Variants in DNAJC1 observed in about 807,000 individuals in gnomAD.
DNAJC1 encodes the protein dnaJ homolog subfamily C member 1.
A neutral mutation model predicts 76.6 loss-of-function variants in DNAJC1; 58 were observed. The observed-to-expected ratio is 0.76, with a 90% CI of 0.61 to 0.94. The LOEUF (loss-of-function observed/expected upper bound fraction) is 0.94, where lower values mean the gene tolerates loss of function less well. Among genes scored for constraint, DNAJC1 ranks in the 40% least tolerant of loss-of-function variants. DNAJC1 has a pLI of 0.00. For synonymous variants in DNAJC1, 258 were observed against 267.9 expected, an observed-to-expected ratio of 0.96 and a Z score of 0.36; for missense variants, 689 against 677.3, an observed-to-expected ratio of 1.02 and a Z score of -0.19.
chr10:21,788,541 C>G (rs912856406), intron 9 of DNAJC1, among the ~76,000 whole-genome samples: 1 of 152,220 alleles, frequency 6.6e-6, no homozygotes, highest in African/African-American at 2.4e-5. Context: ...AGACACCTCC[C>G]TGTTTGTGGA....
intron 1 of DNAJC1, among the ~76,000 whole-genome samples, chr10:21,956,309 T>C (rs1457487576): frequency 2.0e-5 from 3 of 152,186 alleles, no homozygotes; most frequent in African/African-American, 4.8e-5. Context: ...CCTAATCACC[T>C]TTTAAAAGTC....
chr10:21,793,397 T>C (rs1222313208), intron 9 of DNAJC1, among the ~76,000 whole-genome samples: 2 of 152,154 alleles, frequency 1.3e-5, no homozygotes, highest in African/African-American at 4.8e-5. Flanking sequence ...CCCTCCATGA[T>C]CAGGAACAAG....
intron 1 of DNAJC1, among the ~76,000 whole-genome samples, chr10:21,988,079 G>C (rs1564846156): frequency 6.6e-6 from 1 of 151,838 alleles, no homozygotes; most frequent in Non-Finnish European, 1.5e-5. Flanking sequence ...CTTATTATTA[G>C]AATTTATTTC....
intron 1 of DNAJC1, among the ~76,000 whole-genome samples, chr10:21,983,713 T>C (rs1312416620): frequency 1.6e-5 from 2 of 124,686 alleles, no homozygotes; most frequent in Non-Finnish European, 3.4e-5. Context: ...AGAGCGAGAT[T>C]CTGTCTCAAA....
chr10:21,957,370 C>T (rs1448660599), intron 1 of DNAJC1, among the ~76,000 whole-genome samples: 1 of 152,070 alleles, frequency 6.6e-6, no homozygotes, highest in Non-Finnish European at 1.5e-5. Context: ...CCTCTATTAT[C>T]CTATTTGTTT....
intron 1 of DNAJC1, among the ~76,000 whole-genome samples, chr10:21,961,189 G>A (rs1156896721): frequency 6.6e-6 from 1 of 152,156 alleles, no homozygotes; most frequent in African/African-American, 2.4e-5. Flanking sequence ...GTTAAACACT[G>A]AATTACCATA....
chr10:21,902,374 G>A (rs1015608139), intron 7 of DNAJC1, among the ~76,000 whole-genome samples: 16 of 151,950 alleles, frequency 1.1e-4, no homozygotes, highest in Non-Finnish European at 1.6e-4. Flanking sequence ...GCACGATCTC[G>A]ACTCACTGCA....
chr10:21,881,471 C>T (rs539122944), intron 8 of DNAJC1, among the ~76,000 whole-genome samples: 1 of 152,194 alleles, frequency 6.6e-6, no homozygotes, highest in African/African-American at 2.4e-5. Flanking sequence ...TACTTGAACA[C>T]TTGGAAGCCA....
chr10:21,797,047 C>T (rs1380748790), intron 9 of DNAJC1, among the ~76,000 whole-genome samples: 5 of 151,942 alleles, frequency 3.3e-5, no homozygotes, highest in Non-Finnish European at 7.4e-5. Flanking sequence ...AGGCTTTCTC[C>T]TATATTTTCT....
intron 8 of DNAJC1, among the ~76,000 whole-genome samples, chr10:21,818,783 A>G (rs1835113917): frequency 6.6e-6 from 1 of 152,232 alleles, no homozygotes; most frequent in South Asian, 2.1e-4. Context: ...AAGATTCAAA[A>G]TGATTTATTT....
At chr10:21,837,811 GTCC>G (rs1835492129) in intron 8 of DNAJC1, among the ~76,000 whole-genome samples, 1 of 127,114 alleles carries the variant, frequency 7.9e-6, no homozygotes, top group African/African-American at 3.1e-5. Context: ...CAGCCGCCCC[GTCC>G]GGGAGGGAGG....
At chr10:21,908,990 AT>A (rs2131751520) in intron 6 of DNAJC1, among the ~76,000 whole-genome samples, 1 of 152,170 alleles carries the variant, frequency 6.6e-6, no homozygotes, top group South Asian at 2.1e-4. Flanking sequence ...GGTTTAAGCA[AT>A]TATCCCTGCC....
chr10:21,834,518 G>A (rs897147914), intron 8 of DNAJC1, among the ~76,000 whole-genome samples: 76 of 152,330 alleles, frequency 5.0e-4, no homozygotes, highest in Non-Finnish European at 7.8e-4. Context: ...GAAGCAGGGC[G>A]AGGCATCGCC....
intron 8 of DNAJC1, among the ~76,000 whole-genome samples, chr10:21,860,035 G>A (rs181255438): frequency 6.6e-6 from 1 of 151,832 alleles, no homozygotes; most frequent in Admixed American, 6.6e-5. Flanking sequence ...CCACCCCTTC[G>A]GCCTCCCAAA....
chr10:21,957,931 T>C (rs1261209336), intron 1 of DNAJC1, among the ~76,000 whole-genome samples: 1 of 152,166 alleles, frequency 6.6e-6, no homozygotes, highest in African/African-American at 2.4e-5. Context: ...AAAATACCTT[T>C]CTTATATTAA....
intron 8 of DNAJC1, among the ~76,000 whole-genome samples, chr10:21,863,830 C>T (rs927927016): frequency 6.6e-6 from 1 of 152,206 alleles, no homozygotes; most frequent in Middle Eastern, 3.4e-3. Context: ...ACTTTCCTCA[C>T]CTAGATTAAG....
intron 7 of DNAJC1, among the ~76,000 whole-genome samples, chr10:21,883,292 A>AC (rs1836312957): frequency 6.7e-6 from 1 of 150,142 alleles, no homozygotes; most frequent in Non-Finnish European, 1.5e-5. Context: ...ACACACACAC[A>AC]CACCATTTTA....
chr10:21,763,592 C>A (rs1245982502), intron 10 of DNAJC1, among the ~76,000 whole-genome samples: 2 of 139,922 alleles, frequency 1.4e-5, no homozygotes, highest in Non-Finnish European at 3.1e-5. Flanking sequence ...TTAGACCCTA[C>A]GCCAAGAATT....
chr10:21,785,125 C>CAAGGAAACAGCAATCCAAACAGCTTTG (rs1834588388), intron 9 of DNAJC1, among the ~76,000 whole-genome samples: 2 of 152,134 alleles, frequency 1.3e-5, no homozygotes, highest in African/African-American at 4.8e-5. Context: ...GTGGCCAAAG[C>CAAGGAAACAGCAATCCAAACAGCTTTG]AAGGAAACAG....
Sources: gnomAD v4.1 joint callset for allele counts (sites outside exome capture counted in the v4.1 genomes callset) on GRCh38, gnomAD v4.1.1 for gene constraint, MANE v1.5 for transcripts, NCBI Gene and HGNC (gene_info 2026-07-23, HGNC 2026-07-21) for gene names.